The following PIN4 variants were observed in gnomAD, a reference collection of about 807,000 sequenced individuals.
PIN4 encodes the protein peptidyl-prolyl cis-trans isomerase NIMA-interacting 4.
PIN4 carries 3 observed loss-of-function variants against 8.3 expected under a neutral mutation model. That is an observed-to-expected ratio of 0.36 (90% CI 0.16 to 0.93). The LOEUF (loss-of-function observed/expected upper bound fraction) is 0.93, where lower values mean the gene tolerates loss of function less well. Among genes scored for constraint, PIN4 ranks in the 40% least tolerant of loss-of-function variants. The pLI is 0.44. For synonymous variants in PIN4, 18 were observed against 32.5 expected (o/e 0.55, Z 1.52); for missense variants, 75 against 100.6 (o/e 0.75, Z 1.09).
chrX:72,242,942 G>C (rs1569492857), intron 3 of PIN4, among the ~76,000 whole-genome samples: 1 of 111,362 alleles, frequency 9.0e-6, no homozygotes, highest in Non-Finnish European at 1.9e-5. Context: ...GAACCCAGGA[G>C]GCGGAGGTTG....
intron 2 of PIN4, 133 bp downstream of exon 2, chrX:72,186,667 A>G: frequency 2.0e-6 from 1 of 492,633 alleles, no homozygotes; most frequent in Non-Finnish European, 3.4e-6. Context: ...ATAACACAAA[A>G]TTGTAGCTGG....
At chrX:72,233,084 G>C (rs913528213) in intron 3 of PIN4, among the ~76,000 whole-genome samples, 6 of 111,510 alleles carry the variant, frequency 5.4e-5, no homozygotes, top group African/African-American at 2.0e-4. Flanking sequence ...TGCAAAGGAG[G>C]AATCAGATTG....
At chrX:72,219,485 T>C (rs911129661) in intron 3 of PIN4, among the ~76,000 whole-genome samples, 8 of 99,275 alleles carry the variant, frequency 8.1e-5, no homozygotes, top group Non-Finnish European at 1.4e-4. Flanking sequence ...ACCTGGGAGA[T>C]GGAGGTTGCA....
chrX:72,187,547 C>A (rs1005766324), intron 2 of PIN4, among the ~76,000 whole-genome samples: 19 of 111,536 alleles, frequency 1.7e-4, no homozygotes, highest in Non-Finnish European at 3.0e-4. Flanking sequence ...TCCTGTAATC[C>A]CAGCACTTTG....
chrX:72,195,268 C>A (rs1030808271), intron 2 of PIN4, among the ~76,000 whole-genome samples: 2 of 111,619 alleles, frequency 1.8e-5, no homozygotes, highest in African/African-American at 6.5e-5. Flanking sequence ...TAGGGTTGGG[C>A]GTTCTTAATA....
intron 3 of PIN4, among the ~76,000 whole-genome samples, chrX:72,253,499 G>A (rs749220321): frequency 5.4e-5 from 6 of 110,873 alleles, no homozygotes; most frequent in Non-Finnish European, 1.1e-4. Context: ...GGTGGTGTGC[G>A]CCTGTAGTCC....
intron 3 of PIN4, chrX:72,205,971 T>G (rs770028893): frequency 2.9e-5 from 35 of 1,210,154 alleles, no homozygotes; most frequent in Non-Finnish European, 3.7e-5. Context: ...CCTCACTTGC[T>G]TGAGCATCCT....
intron 3 of PIN4, among the ~76,000 whole-genome samples, chrX:72,226,240 C>T (rs1285452895): frequency 1.8e-5 from 2 of 111,679 alleles, no homozygotes; most frequent in East Asian, 2.8e-4. Context: ...CTTACTTCCA[C>T]TCACATAAAG....
At chrX:72,205,895 C>T (rs943373271) in intron 3 of PIN4, 1 of 1,209,552 alleles carries the variant, frequency 8.3e-7, no homozygotes, top group African/African-American at 1.7e-5. Context: ...GCTGAGTCTT[C>T]CAAGAAAAGA....
intron 1 of PIN4, chrX:72,182,039 G>A (rs1377252053): frequency 1.1e-5 from 5 of 437,182 alleles, no homozygotes; most frequent in Non-Finnish European, 1.6e-5. Flanking sequence ...GTTCCTCGGA[G>A]GCGATGACTT....
At chrX:72,232,740 G>A (rs1278917208) in intron 3 of PIN4, among the ~76,000 whole-genome samples, 1 of 111,929 alleles carries the variant, frequency 8.9e-6, no homozygotes, top group African/African-American at 3.2e-5. Flanking sequence ...AACCCGGGAG[G>A]TGGAGGTTGC....
chrX:72,218,094 C>T (rs1288999859), intron 3 of PIN4, among the ~76,000 whole-genome samples: 1 of 109,937 alleles, frequency 9.1e-6, no homozygotes, highest in East Asian at 2.9e-4. Context: ...CACGGTGAAA[C>T]CCTGTCTCTA....
At chrX:72,228,042 C>T (rs1349889086) in intron 3 of PIN4, among the ~76,000 whole-genome samples, 5 of 112,245 alleles carry the variant, frequency 4.5e-5, no homozygotes, top group Admixed American at 2.8e-4. Context: ...GTTACTTCCT[C>T]CTTCCTTTGT....
intron 2 of PIN4, among the ~76,000 whole-genome samples, chrX:72,192,059 C>G (rs1453693967): frequency 9.0e-6 from 1 of 110,988 alleles, no homozygotes; most frequent in Non-Finnish European, 1.9e-5. Context: ...TCAAGCGATT[C>G]TCCTGCTTCA....
intron 3 of PIN4, among the ~76,000 whole-genome samples, chrX:72,228,372 C>G (rs182216506): frequency 2.7e-5 from 3 of 111,927 alleles, no homozygotes; most frequent in Non-Finnish European, 3.8e-5. Context: ...ATACCCACAG[C>G]AGCAAAACTC....
intron 3 of PIN4, among the ~76,000 whole-genome samples, chrX:72,232,672 TG>T (rs1402009805): frequency 2.7e-5 from 3 of 110,704 alleles, no homozygotes; most frequent in African/African-American, 9.9e-5. Context: ...TAGCCGGGTG[TG>T]GTGGCACCCA....
At chrX:72,216,401 A>C (rs962160765) in intron 3 of PIN4, among the ~76,000 whole-genome samples, 1 of 112,235 alleles carries the variant, frequency 8.9e-6, no homozygotes, top group Non-Finnish European at 1.9e-5. Context: ...TAACTGTGAC[A>C]GAATGTCTAG....
chrX:72,253,705 T>C (rs1207453708), intron 3 of PIN4, among the ~76,000 whole-genome samples: 1 of 108,264 alleles, frequency 9.2e-6, no homozygotes, highest in Non-Finnish European at 1.9e-5. Context: ...CAAGCTGAAG[T>C]GGGAGGATCA....
chrX:72,189,470 G>C (rs2042721138), intron 2 of PIN4, among the ~76,000 whole-genome samples: 1 of 111,564 alleles, frequency 9.0e-6, no homozygotes, highest in South Asian at 3.7e-4. Flanking sequence ...TAACCTTTTG[G>C]GATTGGTTTT....
Sources: allele counts gnomAD v4.1 joint callset (sites outside exome capture counted in the v4.1 genomes callset), GRCh38; gene constraint gnomAD v4.1.1; transcripts MANE v1.5; gene names NCBI Gene and HGNC (gene_info 2026-07-23, HGNC 2026-07-21).